PDE1C: variants seen among roughly 807,000 people sequenced by gnomAD.
PDE1C encodes the protein dual specificity calcium/calmodulin-dependent 3',5'-cyclic nucleotide phosphodiesterase 1C.
PDE1C carries 62 observed loss-of-function variants against 93.1 expected under a neutral mutation model. The ratio of observed to expected loss-of-function variants is 0.67; its 90% CI spans 0.54 to 0.82. The LOEUF is 0.82. Among genes scored for constraint, PDE1C ranks in the 40% least tolerant of loss-of-function variants. The pLI, the probability that PDE1C is intolerant of heterozygous loss-of-function variation, is 0.00. For synonymous variants in PDE1C, 325 were observed against 310.1 expected (o/e 1.05, Z -0.50); for missense variants, 742 against 884.6 (o/e 0.84, Z 2.04).
intron 17 of PDE1C, among the ~76,000 whole-genome samples, chr7:31,769,420 T>C (rs1168637391): frequency 2.0e-5 from 3 of 152,194 alleles, no homozygotes; most frequent in Admixed American, 6.5e-5. Context: ...TGTTTTTGTT[T>C]AGTTATGGCA....
At chr7:31,930,294 G>A (rs1448701164) in intron 2 of PDE1C, among the ~76,000 whole-genome samples, 2 of 152,116 alleles carry the variant, frequency 1.3e-5, no homozygotes, top group Non-Finnish European at 2.9e-5. Context: ...AGAAGTCCAG[G>A]ACCAGATGAA....
chr7:31,740,042 A>G, the PDE1C span, among the ~76,000 whole-genome samples: 3 of 151,824 alleles, frequency 2.0e-5, no homozygotes, highest in Non-Finnish European at 4.4e-5. Flanking sequence ...ACCTTTTCCC[A>G]CTCTACAAAA....
chr7:32,210,938 T>C lies in PDE1C; in HGVS notation c.86-1399A>G, dbSNP rs1387033440. ...TTTCAAAAAAAGAAAGAAATGGGCCTGGCGCGGGTGGCTCACGCCTGTAGT... is the reference window on the plus strand; with the variant it reads ...TTTCAAAAAAAGAAAGAAATGGGCCCGGCGCGGGTGGCTCACGCCTGTAGT... On this transcript the variant is annotated intron_variant, in intron 1 of 18. Transcript: ENST00000396193. 3.3e-5 allele frequency among the ~76,000 whole-genome samples: 5 copies of C among 152,174 alleles called. No individual in the cohort carries two copies. In the South Asian group the frequency reaches 1.0e-3, roughly 32 times the overall value.
intron 12 of PDE1C, 146 bp from the exon 13 acceptor site, chr7:31,825,133 A>C: frequency 9.6e-7 from 1 of 1,038,744 alleles, no homozygotes; most frequent in Non-Finnish European, 1.4e-6. Flanking sequence ...CTTGATTTGA[A>C]TATTACATGT....
chr7:32,310,721 C>A (rs1297664151), intron 1 of PDE1C, among the ~76,000 whole-genome samples: 1 of 151,778 alleles, frequency 6.6e-6, no homozygotes, highest in Non-Finnish European at 1.5e-5. Context: ...AAAGACACAA[C>A]ATACCAGAAT....
intron 3 of PDE1C, among the ~76,000 whole-genome samples, chr7:32,087,693 C>G (rs1213611075): frequency 6.6e-6 from 1 of 152,010 alleles, no homozygotes; most frequent in Non-Finnish European, 1.5e-5. Context: ...GAGTTCATGT[C>G]CTTTGTAGGG....
At position 32,141,180 on chromosome 7, in the gene PDE1C, C is replaced by G. The variant is rs1800499660; in HGVS notation, c.308+28605G>C. ...CATAAGTGTGGCTGGACTTAGTGAA[C>G]TGGTTTCCAGTGAATAAGAGTATGG... is the stretch of plus-strand genomic sequence containing the variant. On this transcript the variant is annotated intron_variant, in intron 3 of 18. Coordinates refer to the PDE1C transcript ENST00000396193. 3.3e-5 allele frequency among the ~76,000 whole-genome samples: 5 copies of G among 152,184 alleles called. No individual in the cohort carries two copies. In the South Asian group the frequency reaches 1.0e-3, roughly 31 times the overall value.
chr7:32,261,319 A>C (rs893015198), intron 1 of PDE1C, among the ~76,000 whole-genome samples: 1 of 152,004 alleles, frequency 6.6e-6, no homozygotes. Flanking sequence ...GCCATCACCT[A>C]CAGGAACAGA....
intron 3 of PDE1C, among the ~76,000 whole-genome samples, chr7:32,108,809 C>A (rs6958483): frequency 0.012 from 1,878 of 152,288 alleles, 36 homozygotes; most frequent in African/African-American, 0.044. Flanking sequence ...TGCCTACAGA[C>A]CCAGGCAGGC....
intron 2 of PDE1C, among the ~76,000 whole-genome samples, chr7:32,188,908 G>A (rs1168354346): frequency 6.6e-6 from 1 of 152,150 alleles, no homozygotes; most frequent in Non-Finnish European, 1.5e-5. Context: ...GCTGTCAGCA[G>A]AAAGAATCAA....
chr7:31,745,772 A>T, the PDE1C span, among the ~76,000 whole-genome samples: 2 of 152,362 alleles, frequency 1.3e-5, no homozygotes, highest in South Asian at 2.1e-4. Context: ...ATGTCACTTC[A>T]TGAGAAACTT....
At chr7:31,985,514 C>T (rs1301240292) in intron 2 of PDE1C, among the ~76,000 whole-genome samples, 1 of 152,078 alleles carries the variant, frequency 6.6e-6, no homozygotes, top group Non-Finnish European at 1.5e-5. Flanking sequence ...TGTTGGTTTC[C>T]TGCACCCATC....
chr7:32,313,918 A>T (rs908151254), intron 1 of PDE1C, among the ~76,000 whole-genome samples: 2 of 152,076 alleles, frequency 1.3e-5, no homozygotes, highest in Non-Finnish European at 2.9e-5. Flanking sequence ...AATAAAATAA[A>T]ATAAAATAAA....
intron 5 of PDE1C, among the ~76,000 whole-genome samples, chr7:31,875,051 C>T (rs958403686): frequency 5.3e-5 from 8 of 152,300 alleles, no homozygotes; most frequent in East Asian, 1.9e-4. Context: ...CCCACTAGGG[C>T]GCAGGCTATA....
intron 2 of PDE1C, among the ~76,000 whole-genome samples, chr7:31,908,892 A>C (rs1305555634): frequency 6.6e-6 from 1 of 152,200 alleles, no homozygotes; most frequent in African/African-American, 2.4e-5. Context: ...AATAAAGGAG[A>C]TTGTGCTACA....
chr7:32,067,823 T>G (rs1358432575), intron 1 of PDE1C, among the ~76,000 whole-genome samples: 1 of 152,224 alleles, frequency 6.6e-6, no homozygotes, highest in Non-Finnish European at 1.5e-5. Context: ...TTTTGAATAT[T>G]TAAAAGCTCA....
chr7:31,832,157 G>A (rs1434125813), intron 11 of PDE1C, among the ~76,000 whole-genome samples: 2 of 152,030 alleles, frequency 1.3e-5, no homozygotes, highest in Non-Finnish European at 2.9e-5. Flanking sequence ...ATTTCATAGA[G>A]AACAAAGGAA....
chr7:31,811,595 C>T (rs1787557489), intron 15 of PDE1C, among the ~76,000 whole-genome samples: 1 of 152,080 alleles, frequency 6.6e-6, no homozygotes, highest in African/African-American at 2.4e-5. Context: ...AAACTAGTTC[C>T]TTCTAGTTCA....
At chr7:31,666,755 C>T in the PDE1C span, among the ~76,000 whole-genome samples, 1 of 152,074 alleles carries the variant, frequency 6.6e-6, no homozygotes, top group Non-Finnish European at 1.5e-5. Flanking sequence ...CCTTATGCCC[C>T]TTTTTGTTGT....
Sources: allele counts gnomAD v4.1 joint callset (sites outside exome capture counted in the v4.1 genomes callset), GRCh38; gene constraint gnomAD v4.1.1; transcripts MANE v1.5; gene names NCBI Gene and HGNC (gene_info 2026-07-23, HGNC 2026-07-21).